The following NELL1 variants were observed in gnomAD, a reference collection of about 807,000 sequenced individuals.
The protein encoded by NELL1 is neural EGFL like 1.
Under a neutral mutation model 107.4 loss-of-function variants are expected in NELL1, and 76 were observed. That is an observed-to-expected ratio of 0.71 (90% CI 0.59 to 0.86). The LOEUF is 0.86. NELL1 is among the 40% of genes least tolerant of loss of function. NELL1 has a pLI of 0.00. For missense variants in NELL1, 1,024 were observed against 1,005.5 expected (o/e 1.02, Z -0.25); for synonymous variants, 353 against 341.2 (o/e 1.03, Z -0.38).
At position 21,275,570 on chromosome 11, in the gene NELL1, T is replaced by C. The variant is rs1848836412; in HGVS notation, c.1549+46116T>C. 5.3e-5 allele frequency among the ~76,000 whole-genome samples: 8 copies of C among 152,316 alleles called. No homozygotes were observed. In the South Asian group the frequency reaches 1.5e-3, roughly 28 times the overall value. ...TTTTATGAGGCCAGCATCATCCTGA[T>C]ACCAAAGCCTGGCAGAGACACAACA... On this transcript the variant is annotated intron_variant, in intron 14 of 19. Transcript: ENST00000357134.
chr11:21,286,544 T>C (rs1849120280), intron 14 of NELL1, among the ~76,000 whole-genome samples: 1 of 152,250 alleles, frequency 6.6e-6, no homozygotes, highest in South Asian at 2.1e-4. Flanking sequence ...CCACTCTTTT[T>C]TATGATGACA....
chr11:20,677,952 C>G lies in NELL1; in HGVS notation c.76C>G (p.Pro26Ala), dbSNP rs775919456. The change falls in exon 2 of 20, where the codon CCT (proline) becomes GCT (alanine). Residue 26 changes from proline (P) to alanine (A), a missense_variant. Coordinates refer to ENST00000357134, the MANE Select transcript of NELL1 (RefSeq NM_006157.5). ...TCCAGTGGTGGGCTTTGGGATGGAC[C>G]CTGACCTTCAGATGGATATCGTCAC... ...ARTVVGFGMDPDLQMDIVTEL... is the reference protein window; with the variant it reads ...ARTVVGFGMDADLQMDIVTEL... The G allele has an allele frequency of 1.9e-6, 3 of 1,614,108 alleles. No individual in the cohort carries two copies. The highest frequency in any genetic ancestry group is 3.3e-5 in the Admixed American group (2 of 60,014).
At chr11:21,405,843 C>A (rs1852222133) in intron 15 of NELL1, among the ~76,000 whole-genome samples, 1 of 151,964 alleles carries the variant, frequency 6.6e-6, no homozygotes, top group Non-Finnish European at 1.5e-5. Flanking sequence ...TGCAAGCCTG[C>A]CCCTTGCAAT....
intron 13 of NELL1, among the ~76,000 whole-genome samples, chr11:21,114,524 A>G (rs753763674): frequency 2.6e-5 from 4 of 151,960 alleles, no homozygotes; most frequent in Non-Finnish European, 5.9e-5. Flanking sequence ...TGGATTCTTT[A>G]CTCAGAATAT....
chr11:21,039,537 T>C (rs1031304109), intron 12 of NELL1, among the ~76,000 whole-genome samples: 1 of 152,174 alleles, frequency 6.6e-6, no homozygotes, highest in Non-Finnish European at 1.5e-5. Flanking sequence ...AAAAGTTTTA[T>C]ATATGACCCC....
chr11:21,402,342 C>T (rs982390214), intron 15 of NELL1, among the ~76,000 whole-genome samples: 1 of 151,770 alleles, frequency 6.6e-6, no homozygotes, highest in African/African-American at 2.4e-5. Context: ...TGTAGGAAAA[C>T]ATTGAAGATT....
intron 14 of NELL1, among the ~76,000 whole-genome samples, chr11:21,279,564 C>A (rs1431653174): frequency 2.0e-5 from 3 of 152,158 alleles, no homozygotes; most frequent in African/African-American, 4.8e-5. Context: ...ACACTACACA[C>A]CTATTGGAAT....
At chr11:21,318,530 C>T (rs1849930591) in intron 14 of NELL1, among the ~76,000 whole-genome samples, 1 of 152,176 alleles carries the variant, frequency 6.6e-6, no homozygotes, top group South Asian at 2.1e-4. Context: ...CTTCCGGCCC[C>T]ACTCGAGAAC....
chr11:21,130,488 A>G (rs1855590729), intron 13 of NELL1, among the ~76,000 whole-genome samples: 1 of 152,214 alleles, frequency 6.6e-6, no homozygotes, highest in Non-Finnish European at 1.5e-5. Flanking sequence ...GAAATTCAGT[A>G]CCCATGTCCC....
chr11:20,897,102 CA>C (rs1849758159), intron 5 of NELL1, among the ~76,000 whole-genome samples: 1 of 152,090 alleles, frequency 6.6e-6, no homozygotes, highest in Admixed American at 6.5e-5. Context: ...CCCGCATTGC[CA>C]AGTCAATCCT....
intron 5 of NELL1, among the ~76,000 whole-genome samples, chr11:20,895,927 G>A (rs1849727419): frequency 6.6e-6 from 1 of 152,008 alleles, no homozygotes; most frequent in South Asian, 2.1e-4. Flanking sequence ...ATTTCATTGT[G>A]TATATAGGCC....
intron 15 of NELL1, among the ~76,000 whole-genome samples, chr11:21,444,091 A>G (rs1254508735): frequency 2.0e-5 from 3 of 152,122 alleles, no homozygotes; most frequent in Non-Finnish European, 2.9e-5. Context: ...GTGTGTATAC[A>G]TTGACACCAC....
intron 7 of NELL1, among the ~76,000 whole-genome samples, chr11:20,922,109 G>A (rs1409331211): frequency 6.6e-6 from 1 of 152,028 alleles, no homozygotes; most frequent in East Asian, 1.9e-4. Flanking sequence ...GGTATCTCAT[G>A]TTAGGCCAAA....
At position 20,914,840 on chromosome 11, in the gene NELL1, G is replaced by C. The variant is rs144480909; in HGVS notation, c.604-3342G>C. ...GACCAGGTAATCTGGTCCTAGATAA[G>C]TAGTTCTTATGGAAAGTATCAAAAT... is the stretch of plus-strand genomic sequence containing the variant. On this transcript the variant is annotated intron_variant, in intron 5 of 19. Coordinates refer to ENST00000357134, the MANE Select transcript of NELL1 (RefSeq NM_006157.5). Among the ~76,000 whole-genome samples the C allele has an allele frequency of 4.2e-4, 64 of 152,076 alleles. No individual in the cohort carries two copies. In the East Asian group the frequency reaches 0.012, roughly 29 times the overall value.
chr11:20,837,755 C>T (rs939747753), intron 3 of NELL1, among the ~76,000 whole-genome samples: 1 of 152,050 alleles, frequency 6.6e-6, no homozygotes, highest in Non-Finnish European at 1.5e-5. Context: ...AAAAAATAAA[C>T]AGTGTTGGAT....
intron 11 of NELL1, among the ~76,000 whole-genome samples, chr11:20,952,909 G>A (rs572148770): frequency 2.6e-5 from 4 of 152,286 alleles, no homozygotes; most frequent in African/African-American, 4.8e-5. Flanking sequence ...TGTGAGAGTC[G>A]GGAGTTCAGT....
intron 13 of NELL1, among the ~76,000 whole-genome samples, chr11:21,149,830 C>T (rs1016521527): frequency 2.6e-5 from 4 of 151,974 alleles, no homozygotes; most frequent in African/African-American, 9.7e-5. Context: ...GTTTACTGCA[C>T]GTATGGCAAT....
intron 15 of NELL1, among the ~76,000 whole-genome samples, chr11:21,492,065 C>T (rs1201590939): frequency 2.0e-5 from 3 of 151,950 alleles, no homozygotes; most frequent in Non-Finnish European, 4.4e-5. Context: ...ACAAACAATC[C>T]CATCAAAAAG....
intron 15 of NELL1, among the ~76,000 whole-genome samples, chr11:21,503,024 G>A (rs932110923): frequency 2.0e-5 from 3 of 152,094 alleles, no homozygotes; most frequent in African/African-American, 7.2e-5. Context: ...CTGGGATACA[G>A]GCATGTGCCA....
Sources: allele counts gnomAD v4.1 joint callset (sites outside exome capture counted in the v4.1 genomes callset), GRCh38; gene constraint gnomAD v4.1.1; transcripts MANE v1.5; gene names NCBI Gene and HGNC (gene_info 2026-07-23, HGNC 2026-07-21).